NOX4: variants seen among roughly 807,000 people sequenced by gnomAD.
NOX4 encodes the protein kidney oxidase-1.
In NOX4, 69 loss-of-function variants were observed where a neutral mutation model predicts 87.6. The observed-to-expected ratio is 0.79, with a 90% CI of 0.65 to 0.96. The LOEUF is 0.96. NOX4 is among the 40% of genes least tolerant of loss of function. The pLI is 0.00. For synonymous variants in NOX4, 275 were observed against 238.2 expected (o/e 1.15, Z -1.42); for missense variants, 680 against 681.5 (o/e 1.00, Z 0.02).
Position 89,433,975 on chromosome 11 carries a change from G to A in NOX4, c.476-1119C>T, listed in dbSNP as rs80260666. ...AAGTTACATTTGTTTACTCTCACAA[G>A]CAACAGTAAGTCCTGAATATCCCAT... On this transcript the variant is annotated intron_variant, in intron 6 of 17. Coordinates refer to ENST00000263317, the MANE Select transcript of NOX4 (RefSeq NM_016931.5). Among the ~76,000 whole-genome samples, 3 of 152,102 alleles carry A rather than the reference G, an allele frequency of 2.0e-5. No homozygotes were observed. The East Asian group carries it at 5.8e-4, about 29-fold the overall frequency.
intron 2 of NOX4, among the ~76,000 whole-genome samples, chr11:89,454,428 A>T (rs1332420518): frequency 6.6e-6 from 1 of 152,116 alleles, no homozygotes; most frequent in East Asian, 1.9e-4. Context: ...TCCTGAATTC[A>T]ATGACTTTGG....
At chr11:89,511,398 C>T in the NOX4 span, among the ~76,000 whole-genome samples, 1 of 151,624 alleles carries the variant, frequency 6.6e-6, no homozygotes, top group South Asian at 2.1e-4. Context: ...TTTTTTTCAT[C>T]CCTTACTCTT....
At chr11:89,485,831 T>TA (rs148352541) in intron 2 of NOX4, among the ~76,000 whole-genome samples, 10 of 151,678 alleles carry the variant, frequency 6.6e-5, no homozygotes, top group African/African-American at 2.4e-4. Flanking sequence ...TCTCAATAGA[T>TA]TTTTTTTTCC....
chr11:89,492,281 T>C (rs1006763137), upstream of NOX4: 2 of 152,208 alleles, frequency 1.3e-5, no homozygotes, highest in African/African-American at 2.4e-5. Context: ...GAAAAAAATC[T>C]GATGCAAAAT....
At chr11:89,364,188 A>G (rs1432428334) in intron 12 of NOX4, among the ~76,000 whole-genome samples, 4 of 152,056 alleles carry the variant, frequency 2.6e-5, no homozygotes, top group African/African-American at 9.7e-5. Flanking sequence ...TTGAGGCTGC[A>G]GTGAGCTATG....
At chr11:89,507,389 TATA>T in the NOX4 span, among the ~76,000 whole-genome samples, 1 of 151,136 alleles carries the variant, frequency 6.6e-6, no homozygotes, top group Non-Finnish European at 1.5e-5. Flanking sequence ...ATATATAATA[TATA>T]ATAATACACA....
chr11:89,467,054 G>T (rs1945725337), intron 2 of NOX4, among the ~76,000 whole-genome samples: 1 of 152,016 alleles, frequency 6.6e-6, no homozygotes, highest in African/African-American at 2.4e-5. Flanking sequence ...GTTACATTAA[G>T]AATGTCTTTA....
At chr11:89,377,140 C>A (rs917301694) in intron 11 of NOX4, among the ~76,000 whole-genome samples, 1 of 152,086 alleles carries the variant, frequency 6.6e-6, no homozygotes, top group African/African-American at 2.4e-5. Context: ...TTTATATAAT[C>A]AAATTTTAGG....
chr11:89,524,955 T>C, the NOX4 span, among the ~76,000 whole-genome samples: 43 of 152,176 alleles, frequency 2.8e-4, no homozygotes, highest in Admixed American at 2.0e-3. Flanking sequence ...AATCATATTT[T>C]ATGTGTATAG....
At chr11:89,453,722 C>T (rs187527542) in intron 2 of NOX4, among the ~76,000 whole-genome samples, 277 of 152,198 alleles carry the variant, frequency 1.8e-3, no homozygotes, top group Non-Finnish European at 3.0e-3. Context: ...AATATTGAGT[C>T]ACAGTGAAGT....
the NOX4 span, among the ~76,000 whole-genome samples, chr11:89,517,297 G>T: frequency 6.6e-6 from 1 of 151,966 alleles, no homozygotes; most frequent in South Asian, 2.1e-4. Context: ...TTAAGGTCTG[G>T]ATTATCGAGT....
intron 7 of NOX4, among the ~76,000 whole-genome samples, chr11:89,428,272 A>T (rs560774891): frequency 1.3e-5 from 2 of 150,100 alleles, no homozygotes; most frequent in Non-Finnish European, 2.9e-5. Context: ...AACACACCAA[A>T]TTGTAAAGAC....
intron 2 of NOX4, among the ~76,000 whole-genome samples, chr11:89,459,025 T>C (rs1397398949): frequency 6.6e-6 from 1 of 152,070 alleles, no homozygotes; most frequent in African/African-American, 2.4e-5. Flanking sequence ...CACAGCACTA[T>C]TCACAAGAGC....
chr11:89,358,471 G>T (rs576715853), intron 12 of NOX4, among the ~76,000 whole-genome samples: 18 of 147,262 alleles, frequency 1.2e-4, no homozygotes, highest in Non-Finnish European at 2.4e-4. Context: ...AACTTTAAAA[G>T]CATGTCTTTT....
At chr11:89,341,335 C>G (rs1387972919) in intron 14 of NOX4, among the ~76,000 whole-genome samples, 1 of 152,028 alleles carries the variant, frequency 6.6e-6, no homozygotes, top group Non-Finnish European at 1.5e-5. Flanking sequence ...GTTGGCCAGG[C>G]TGGTCTTGAA....
the NOX4 span, among the ~76,000 whole-genome samples, chr11:89,570,946 A>T: frequency 6.6e-6 from 1 of 152,258 alleles, no homozygotes; most frequent in Non-Finnish European, 1.5e-5. Context: ...ACCATAGATT[A>T]GGTTCACTTA....
intron 7 of NOX4, among the ~76,000 whole-genome samples, chr11:89,425,311 A>T (rs1225064976): frequency 6.6e-6 from 1 of 151,688 alleles, no homozygotes; most frequent in East Asian, 1.9e-4. Context: ...TTACAATTTG[A>T]CTCAGCTATT....
chr11:89,325,409 T>C lies in NOX4; in HGVS notation c.*1347A>G, dbSNP rs1945185302. On this transcript the variant is annotated 3_prime_UTR_variant, in exon 18 of 18. Coordinates refer to ENST00000263317, the MANE Select transcript of NOX4 (RefSeq NM_016931.5). ...GTGCCGGGATTACAGGCGTGAGCCA[T>C]GAATGCCTTAATTCTTAAGATAGTA... 1.3e-5 allele frequency: 2 copies of C among 152,046 alleles called. No individual in the cohort carries two copies. Among genetic ancestry groups the C allele is most frequent in the Non-Finnish European group, 2.9e-5 (2 of 68,042 alleles). The allele number at this position is 152,046 out of a possible 1,614,324, so 9.4% of individuals were successfully genotyped here.
chr11:89,381,228 T>C (rs1218931187), intron 11 of NOX4, among the ~76,000 whole-genome samples: 5 of 152,076 alleles, frequency 3.3e-5, no homozygotes, highest in Admixed American at 6.6e-5. Context: ...TGGAAAAATA[T>C]GTGAAATCAG....
Sources: gnomAD v4.1 joint callset for allele counts (sites outside exome capture counted in the v4.1 genomes callset) on GRCh38, gnomAD v4.1.1 for gene constraint, MANE v1.5 for transcripts, NCBI Gene and HGNC (gene_info 2026-07-23, HGNC 2026-07-21) for gene names.